CACNB2: variants seen among roughly 807,000 people sequenced by gnomAD.
The protein encoded by CACNB2 is voltage-dependent L-type calcium channel subunit beta-2.
CACNB2 carries 42 observed loss-of-function variants against 73.3 expected under a neutral mutation model. The observed-to-expected ratio is 0.57, with a 90% confidence interval of 0.45 to 0.74. The LOEUF (loss-of-function observed/expected upper bound fraction) is 0.74, where lower values mean the gene tolerates loss of function less well. Ranked by LOEUF, CACNB2 falls within the 30% of genes least tolerant of loss-of-function variation. The pLI is 0.00. For synonymous variants in CACNB2, 348 were observed against 310.3 expected, an observed-to-expected ratio of 1.12 and a Z score of -1.28; for missense variants, 940 against 853.0, an observed-to-expected ratio of 1.10 and a Z score of -1.27.
At chr10:18,437,587 C>G (rs1288517267) in intron 3 of CACNB2, among the ~76,000 whole-genome samples, 1 of 152,076 alleles carries the variant, frequency 6.6e-6, no homozygotes, top group African/African-American at 2.4e-5. Context: ...TTTCACTGGC[C>G]AAAATTCAAT....
chr10:18,374,797 A>G (rs1027650439), intron 2 of CACNB2, among the ~76,000 whole-genome samples: 3 of 152,138 alleles, frequency 2.0e-5, no homozygotes, highest in African/African-American at 7.2e-5. Context: ...GTTACTTAGC[A>G]TCAGCTCTAT....
chr10:18,456,269 G>A (rs779880272), intron 3 of CACNB2, among the ~76,000 whole-genome samples: 57 of 151,944 alleles, frequency 3.8e-4, no homozygotes, highest in Non-Finnish European at 6.2e-4. Flanking sequence ...CCAGGAGTTC[G>A]AGAACGGCCT....
intron 2 of CACNB2, among the ~76,000 whole-genome samples, chr10:18,377,101 A>C (rs10828608): frequency 0.44 from 67,070 of 152,048 alleles, 15,653 homozygotes; most frequent in East Asian, 0.91. Context: ...CTGTATCAAC[A>C]TATCTCATGT....
chr10:18,233,169 T>C (rs2036290023), intron 2 of CACNB2, among the ~76,000 whole-genome samples: 1 of 152,134 alleles, frequency 6.6e-6, no homozygotes, highest in African/African-American at 2.4e-5. Context: ...GATGAGAGTC[T>C]AGGACAGGGC....
intron 2 of CACNB2, among the ~76,000 whole-genome samples, chr10:18,183,810 C>A (rs59558149): frequency 0.059 from 8,908 of 152,132 alleles, 847 homozygotes; most frequent in African/African-American, 0.2. Flanking sequence ...CCCTAGGAGG[C>A]CGAGTGGTAC....
At chr10:18,358,623 A>C (rs2042027821) in intron 2 of CACNB2, among the ~76,000 whole-genome samples, 1 of 149,344 alleles carries the variant, frequency 6.7e-6, no homozygotes, top group Non-Finnish European at 1.5e-5. Context: ...TACAGGTACA[A>C]GGTGGCTGTG....
In CACNB2 at chr10:18,420,045, T is replaced by C. The variant is rs149115182; in HGVS notation, c.333+18002T>C. ...CGTTCCCTCAACTGTAAGTATCTTA[T>C]GACCAGGCGTGCCCAACCCCCTGGG... is the stretch of plus-strand genomic sequence containing the variant. On this transcript the variant is annotated intron_variant, in intron 3 of 13. Coordinates refer to ENST00000324631, the MANE Select transcript of CACNB2 (RefSeq NM_201596.3). Among the ~76,000 whole-genome samples, 1,145 of 152,294 alleles carry C rather than the reference T, an allele frequency of 7.5e-3. 22 individuals carry two copies. The highest frequency in any genetic ancestry group is 0.026 in the African/African-American group (1,101 of 41,552).
chr10:18,156,450 T>G (rs2032049350), intron 2 of CACNB2, among the ~76,000 whole-genome samples: 3 of 152,198 alleles, frequency 2.0e-5, no homozygotes, highest in South Asian at 4.1e-4. Context: ...CCCCATGAAG[T>G]TAGTTAATTT....
At chr10:18,248,947 G>A (rs2036978477) in intron 2 of CACNB2, among the ~76,000 whole-genome samples, 1 of 152,134 alleles carries the variant, frequency 6.6e-6, no homozygotes, top group Non-Finnish European at 1.5e-5. Flanking sequence ...TCTGGGCACT[G>A]TTTTACTGGA....
At chr10:18,314,290 A>G (rs1750478) in intron 2 of CACNB2, among the ~76,000 whole-genome samples, 68,223 of 152,074 alleles carry the variant, frequency 0.45, 16,596 homozygotes, top group Non-Finnish European at 0.55. Context: ...ATCAAAAAAT[A>G]ATCCTAATTA....
chr10:18,230,755 T>C (rs2036194050), intron 2 of CACNB2, among the ~76,000 whole-genome samples: 1 of 152,138 alleles, frequency 6.6e-6, no homozygotes, highest in South Asian at 2.1e-4. Flanking sequence ...GGGAGACGTA[T>C]TTTATTTCTT....
At chr10:18,374,895 C>G (rs558052953) in intron 2 of CACNB2, among the ~76,000 whole-genome samples, 12 of 152,250 alleles carry the variant, frequency 7.9e-5, no homozygotes, top group Admixed American at 6.5e-4. Context: ...CCCCTAGACT[C>G]TCAGATTTAG....
chr10:18,199,453 C>T (rs1320346077), intron 2 of CACNB2, among the ~76,000 whole-genome samples: 2 of 151,998 alleles, frequency 1.3e-5, no homozygotes, highest in Non-Finnish European at 2.9e-5. Flanking sequence ...TAAACCTCCC[C>T]GAGATGACAT....
intron 2 of CACNB2, among the ~76,000 whole-genome samples, chr10:18,220,232 T>TATAGAG (rs1488872721): frequency 4.8e-4 from 12 of 25,082 alleles, no homozygotes; most frequent in African/African-American, 7.3e-4. Context: ...TATATATATA[T>TATAGAG]AGAGAGAGAG....
chr10:18,259,403 T>A (rs1241435330), intron 2 of CACNB2, among the ~76,000 whole-genome samples: 1 of 151,540 alleles, frequency 6.6e-6, no homozygotes, highest in Non-Finnish European at 1.5e-5. Flanking sequence ...CCTGTCTCTA[T>A]AAAAAAATTT....
intron 2 of CACNB2, among the ~76,000 whole-genome samples, chr10:18,192,017 C>G (rs2034420614): frequency 1.3e-5 from 2 of 151,074 alleles, no homozygotes; most frequent in Non-Finnish European, 2.9e-5. Context: ...AAAGTGTGCC[C>G]TCATATCAAT....
chr10:18,492,495 C>A (rs1013680077), intron 3 of CACNB2, among the ~76,000 whole-genome samples: 1 of 151,868 alleles, frequency 6.6e-6, no homozygotes, highest in Admixed American at 6.6e-5. Context: ...GTGGCATGCG[C>A]CTGTAGTCCC....
At chr10:18,477,241 G>A (rs987715926) in intron 3 of CACNB2, among the ~76,000 whole-genome samples, 7 of 152,078 alleles carry the variant, frequency 4.6e-5, no homozygotes, top group African/African-American at 9.7e-5. Flanking sequence ...CAGGGAAGAC[G>A]ACCAGAGATC....
At chr10:18,496,556 T>C (rs1053222843) in intron 3 of CACNB2, among the ~76,000 whole-genome samples, 28 of 152,108 alleles carry the variant, frequency 1.8e-4, no homozygotes, top group Non-Finnish European at 3.4e-4. Flanking sequence ...CTCATGCCTA[T>C]AATCCCAGCA....
Sources: allele counts gnomAD v4.1 joint callset (sites outside exome capture counted in the v4.1 genomes callset), GRCh38; gene constraint gnomAD v4.1.1; transcripts MANE v1.5; gene names NCBI Gene and HGNC (gene_info 2026-07-23, HGNC 2026-07-21).